The following ASTN1 variants were observed in gnomAD, a reference collection of about 807,000 sequenced individuals.
The protein encoded by ASTN1 is astrotactin 1.
Under a neutral mutation model 140.7 loss-of-function variants are expected in ASTN1, and 41 were observed. The observed-to-expected ratio is 0.29, with a 90% confidence interval of 0.23 to 0.38. The LOEUF is 0.38. Among genes scored for constraint, ASTN1 ranks in the 10% least tolerant of loss-of-function variants. The pLI, the probability that ASTN1 is intolerant of heterozygous loss-of-function variation, is 1.00. For missense variants in ASTN1, 1,479 were observed against 1,678.8 expected (o/e 0.88, Z 2.08); for synonymous variants, 640 against 652.2 (o/e 0.98, Z 0.29).
chr1:177,077,836 C>T (rs1257700724), intron 1 of ASTN1, among the ~76,000 whole-genome samples: 2 of 152,168 alleles, frequency 1.3e-5, no homozygotes, highest in Non-Finnish European at 2.9e-5. Flanking sequence ...GAGGTGGGCA[C>T]CTCACCCAAG....
chr1:177,061,000 A>G, intron 2 of ASTN1, 78 bp downstream of exon 2: 1 of 1,292,008 alleles, frequency 7.7e-7, no homozygotes, highest in South Asian at 2.2e-5. Flanking sequence ...TGATAGAGTG[A>G]TATCTATAAT....
chr1:177,048,604 T>A (rs1677370869), intron 2 of ASTN1, among the ~76,000 whole-genome samples: 1 of 152,142 alleles, frequency 6.6e-6, no homozygotes, highest in East Asian at 1.9e-4. Context: ...CCGGGAGTAT[T>A]CAAAGGCCTC....
At position 176,894,754 on chromosome 1, in the gene ASTN1, G is replaced by C. The variant is rs200931048; in HGVS notation, c.2748C>G (p.Ser916Arg). 1.4e-5 allele frequency: 22 copies of C among 1,614,182 alleles called. No homozygotes were observed. Among genetic ancestry groups the C allele is most frequent in the Non-Finnish European group, 1.8e-5 (21 of 1,180,036 alleles). Residue 916 changes from serine to arginine, a missense_variant, in exon 17 of 23, where the codon AGC (serine) becomes AGG (arginine). Ser to Arg is a moderately radical substitution (Grantham distance 110). Transcript: ENST00000361833. Reference protein sequence around the residue: ...KVLTFPEYITSLSDSGTKHMA... With the variant: ...KVLTFPEYITRLSDSGTKHMA... ...TGTGCTTGGTGCCGGAGTCTGACAA[G>C]CTGGTGATGTATTCTGGGAATGTCA...
At chr1:177,114,388 G>A (rs1031647110) in intron 1 of ASTN1, among the ~76,000 whole-genome samples, 1 of 151,612 alleles carries the variant, frequency 6.6e-6, no homozygotes, top group African/African-American at 2.4e-5. Flanking sequence ...AAGCCACATG[G>A]GCAATGGATT....
At chr1:176,884,250 T>C in intron 19 of ASTN1, 89 bp downstream of exon 19, 1 of 1,476,316 alleles carries the variant, frequency 6.8e-7, no homozygotes. Context: ...ACTGGGGACC[T>C]GGAGCAAAGC....
Position 176,949,034 on chromosome 1 carries a change from T to C in ASTN1, c.2054+151A>G, listed in dbSNP as rs924607892. ...AAATGTTCCCCCTCGACTTTAAAAA[T>C]GTTCCCCCCCAAGTCCTAGAGGCTC... On this transcript the variant is annotated intron_variant, in intron 12 of 22. Transcript: ENST00000361833. 7 of 1,131,580 alleles carry C rather than the reference T, an allele frequency of 6.2e-6. No homozygotes were observed. The Middle Eastern group carries it at 1.2e-3, about 198-fold the overall frequency. 70.1% of individuals were successfully genotyped at this position (1,131,580 alleles called of 1,614,324 possible). A position where few individuals can be genotyped will look rare whatever the true frequency, so the allele number is the denominator to read the frequency against.
chr1:177,149,858 C>CATAGTAAATATATATACAGTGTATATAT (rs1280248424), intron 1 of ASTN1, among the ~76,000 whole-genome samples: 9,920 of 113,864 alleles, frequency 0.087, 1,913 homozygotes, highest in African/African-American at 0.3. Context: ...AGTGTATATA[C>CATAGTAAATATATATACAGTGTATATAT]ATAGTAAATA....
intron 13 of ASTN1, 70 bp downstream of exon 13, chr1:176,945,856 C>T: frequency 7.0e-7 from 1 of 1,433,068 alleles, no homozygotes; most frequent in Non-Finnish European, 9.5e-7. Flanking sequence ...AAGCTTTATG[C>T]TAGTGCAAAC....
At chr1:177,161,745 G>A (rs768265598) in intron 1 of ASTN1, among the ~76,000 whole-genome samples, 1 of 151,958 alleles carries the variant, frequency 6.6e-6, no homozygotes, top group Admixed American at 6.6e-5. Context: ...TGTTTTTCTT[G>A]TTGTTTGTAA....
At chr1:176,946,844 T>TAAGTCATTAA (rs1671980056) in intron 12 of ASTN1, among the ~76,000 whole-genome samples, 3 of 152,216 alleles carry the variant, frequency 2.0e-5, no homozygotes, top group Admixed American at 6.5e-5. Context: ...CAGCAACTCA[T>TAAGTCATTAA]AAGTCATTAA....
intron 1 of ASTN1, among the ~76,000 whole-genome samples, chr1:177,118,791 G>A (rs1453994382): frequency 6.6e-6 from 1 of 152,148 alleles, no homozygotes; most frequent in African/African-American, 2.4e-5. Context: ...AGGAAGGCTT[G>A]GGAAATGCTG....
Position 176,862,968 on chromosome 1 carries a change from G to T in ASTN1, c.*1316C>A. ...TGAAGGTGTGTGTTCAGGCCACTGA[G>T]TTGTGTGGGACAGCTAAGGCCATTG... is the stretch of plus-strand genomic sequence containing the variant. On this transcript the variant is annotated 3_prime_UTR_variant, in exon 23 of 23. Transcript: ENST00000361833. 2.0e-6 allele frequency: 2 copies of T among 985,490 alleles called. No homozygotes were observed. Among genetic ancestry groups the T allele is most frequent in the Non-Finnish European group, 2.4e-6 (2 of 829,948 alleles). The allele number at this position is 985,490 out of a possible 1,614,324, so 61.0% of individuals were successfully genotyped here. A position where few individuals can be genotyped will look rare whatever the true frequency, so the allele number is the denominator to read the frequency against.
At chr1:176,888,564 G>A (rs561517996) in intron 17 of ASTN1, among the ~76,000 whole-genome samples, 1 of 152,264 alleles carries the variant, frequency 6.6e-6, no homozygotes, top group East Asian at 1.9e-4. Flanking sequence ...TCTTCTGGGT[G>A]GCTACTCTTC....
intron 8 of ASTN1, among the ~76,000 whole-genome samples, chr1:177,006,476 T>G (rs987500117): frequency 3.4e-4 from 51 of 152,096 alleles, no homozygotes; most frequent in African/African-American, 1.2e-3. Flanking sequence ...ACCTAGTATT[T>G]TTAGACTGAA....
chr1:177,105,022 G>A (rs966534843), intron 1 of ASTN1, among the ~76,000 whole-genome samples: 4 of 152,226 alleles, frequency 2.6e-5, no homozygotes, highest in Non-Finnish European at 2.9e-5. Context: ...AATAGACAGC[G>A]TGGAGACTCA....
intron 21 of ASTN1, 52 bp from the exon 22 acceptor site, chr1:176,869,079 A>G (rs549764171): frequency 1.8e-5 from 22 of 1,235,728 alleles, no homozygotes; most frequent in Admixed American, 8.2e-5. Context: ...ATAATAATGT[A>G]TATATATACA....
At chr1:177,164,199 T>G (rs186206304) in intron 1 of ASTN1, among the ~76,000 whole-genome samples, 195 bp downstream of exon 1, 61 of 151,700 alleles carry the variant, frequency 4.0e-4, no homozygotes, top group Admixed American at 5.2e-4. Context: ...CAGGTCGGAT[T>G]TGGGGAGAAG....
intron 1 of ASTN1, among the ~76,000 whole-genome samples, chr1:177,159,830 C>T (rs150971091): frequency 1.7e-4 from 26 of 152,322 alleles, no homozygotes; most frequent in Non-Finnish European, 2.5e-4. Flanking sequence ...TTTACCAAGA[C>T]TGTGAGTCCC....
At chr1:176,932,365 C>G (rs1294489165) in intron 16 of ASTN1, among the ~76,000 whole-genome samples, 2 of 152,152 alleles carry the variant, frequency 1.3e-5, no homozygotes, top group African/African-American at 4.8e-5. Flanking sequence ...CTCCCTTTGT[C>G]TTACGCACGT....
Sources: gnomAD v4.1 joint callset for allele counts (sites outside exome capture counted in the v4.1 genomes callset) on GRCh38, gnomAD v4.1.1 for gene constraint, MANE v1.5 for transcripts, NCBI Gene and HGNC (gene_info 2026-07-23, HGNC 2026-07-21) for gene names.